PAXBP1: variants seen among roughly 807,000 people sequenced by gnomAD.
The protein encoded by PAXBP1 is PAX3 and PAX7 binding protein 1, also known as PAX3- and PAX7-binding protein 1.
A neutral mutation model predicts 119.9 loss-of-function variants in PAXBP1; 44 were observed. The ratio of observed to expected loss-of-function variants is 0.37; its 90% CI spans 0.29 to 0.47. The LOEUF is 0.47. Ranked by LOEUF, PAXBP1 falls within the 20% of genes least tolerant of loss-of-function variation. The pLI is 0.99. For synonymous variants in PAXBP1, 393 were observed against 406.6 expected, an observed-to-expected ratio of 0.97 and a Z score of 0.40; for missense variants, 898 against 1,134.1, an observed-to-expected ratio of 0.79 and a Z score of 2.99.
rs2043849631 is a variant in PAXBP1, at chr21:32,744,885, A to G, written c.2097T>C (p.Phe699=). The change falls in exon 13 of 18, where the codon TTT becomes TTC. Residue 699 remains phenylalanine, a synonymous_variant. Transcript: ENST00000331923. The part of the protein sequence containing the change: ...TVIAENMWDP[F]STTQTSRMVG... ...CCATTCTTGAAGTCTGTGTTGTAGA[A>G]AAAGGGTCCCACATATTTTCAGCTA... The G allele has an allele frequency of 1.2e-6, 2 of 1,604,174 alleles. No individual in the cohort carries two copies. Among genetic ancestry groups the G allele is most frequent in the Non-Finnish European group, 8.5e-7 (1 of 1,176,844 alleles).
chr21:32,759,481 CTG>C, intron 6 of PAXBP1: 1 of 629,932 alleles, frequency 1.6e-6, no homozygotes, highest in Admixed American at 3.3e-5. Flanking sequence ...CAAAATCTCA[CTG>C]TTTTGCTTTT....
chr21:32,756,451 T>C (rs1245211169), intron 7 of PAXBP1: 3 of 486,646 alleles, frequency 6.2e-6, no homozygotes, highest in African/African-American at 4.2e-5. Context: ...CATGATTCCA[T>C]TGCAAAAGTA....
intron 17 of PAXBP1, 87 bp from the exon 18 acceptor site, chr21:32,735,154 C>A: frequency 1.2e-6 from 1 of 843,334 alleles, no homozygotes; most frequent in Non-Finnish European, 1.9e-6. Flanking sequence ...TTTAGAGCTT[C>A]TGCAATCAAT....
chr21:32,747,931 C>T (rs2146483416), intron 11 of PAXBP1, among the ~76,000 whole-genome samples: 1 of 151,740 alleles, frequency 6.6e-6, no homozygotes, highest in South Asian at 2.1e-4. Flanking sequence ...AATATGAGCA[C>T]ATGCCACCAC....
intron 2 of PAXBP1, among the ~76,000 whole-genome samples, chr21:32,768,414 C>T (rs191855137): frequency 3.3e-5 from 5 of 152,300 alleles, no homozygotes; most frequent in Admixed American, 6.5e-5. Context: ...TTGACTCTTT[C>T]TTTTAAATCC....
intron 8 of PAXBP1, among the ~76,000 whole-genome samples, chr21:32,754,297 G>A (rs1042153847): frequency 5.3e-5 from 8 of 152,186 alleles, no homozygotes; most frequent in African/African-American, 1.9e-4. Context: ...TCTGGATGCT[G>A]AAGACCTAGT....
intron 2 of PAXBP1, among the ~76,000 whole-genome samples, chr21:32,768,435 A>G (rs1028939330): frequency 2.0e-5 from 3 of 152,240 alleles, no homozygotes; most frequent in Non-Finnish European, 4.4e-5. Context: ...AATATGGCAA[A>G]GTGTATATTA....
rs752313065 is a variant in PAXBP1, at chr21:32,762,235, A to C, written c.732T>G (p.His244Gln). The change falls in exon 4 of 18, where the codon CAT becomes CAG. Residue 244 changes from histidine to glutamine, a missense_variant. This residue lies in a region of PAXBP1 where 599 missense variants were observed against 852.7 expected (regional missense o/e 0.70). Coordinates refer to ENST00000331923, the MANE Select transcript of PAXBP1 (RefSeq NM_016631.4). Reference sequence around the variant, plus strand: ...GGCGGCCTTTACCAGGCTCATTATCATGAGGAGTGAAATCTCCCAATTCTC... The same window carrying C: ...GGCGGCCTTTACCAGGCTCATTATCCTGAGGAGTGAAATCTCCCAATTCTC... ...MARELGDFTP[H>Q]DNEPGKGRLV... is the part of the protein sequence containing the mutation. 6.2e-7 allele frequency: 1 copy of C among 1,614,080 alleles called. No homozygotes were observed. The highest frequency in any genetic ancestry group is 8.5e-7 in the Non-Finnish European group (1 of 1,180,022).
At chr21:32,761,246 C>T (rs2044140578) in intron 4 of PAXBP1, 84 bp from the exon 5 acceptor site, 2 of 956,618 alleles carry the variant, frequency 2.1e-6, no homozygotes, top group African/African-American at 3.3e-5. Context: ...TTCACAAGAA[C>T]TGAGCAAAAC....
rs766516346 is a variant in PAXBP1, at chr21:32,771,364, G to A, written c.305C>T (p.Pro102Leu). 1.9e-6 allele frequency: 3 copies of A among 1,584,936 alleles called. No homozygotes were observed. The highest frequency in any genetic ancestry group is 1.7e-5 in the Admixed American group (1 of 59,244). The stretch of plus-strand genomic sequence containing the variant: ...CTGGAAGCTGAGCAGGCTGGCCCGG[G>A]GCACCTCTTTGTTCTCGCGAGGCCT... Reference protein sequence around the residue: ...RKRPRENKEVPRASLLSFQDE... With the variant: ...RKRPRENKEVLRASLLSFQDE... Residue 102 changes from proline (P) to leucine (L), a missense_variant, in exon 1 of 18, where the codon CCC (proline) becomes CTC (leucine). By Grantham distance (98) the Pro-to-Leu change is moderately conservative. This residue lies in a region of PAXBP1 where 299 missense variants were observed against 281.4 expected (regional missense o/e 1.06). Transcript: ENST00000331923.
In PAXBP1 at chr21:32,769,832, G is replaced by A; in HGVS notation, c.454C>T (p.Leu152Phe). 1 of 1,601,328 alleles carries A rather than the reference G, an allele frequency of 6.2e-7. No individual in the cohort carries two copies. Residue 152 changes from leucine (L) to phenylalanine (F), a missense_variant, in exon 2 of 18, where the codon CTC (leucine) becomes TTC (phenylalanine). By Grantham distance (22) the Leu-to-Phe change is conservative (BLOSUM62 0). This residue lies in a region of PAXBP1 where 299 missense variants were observed against 281.4 expected (regional missense o/e 1.06). Transcript: ENST00000331923. Reference sequence around the variant, plus strand: ...TACTTACTTTCAGCTGATGAGTTGAGTTCTGTCTTAATCTTCGATTTTTCA... The same window carrying A: ...TACTTACTTTCAGCTGATGAGTTGAATTCTGTCTTAATCTTCGATTTTTCA... ...DLEKSKIKTE[L>F]NSSAESEQPL...
chr21:32,744,771 C>T, intron 13 of PAXBP1, 21 bp downstream of exon 13: 1 of 1,533,542 alleles, frequency 6.5e-7, no homozygotes, highest in Non-Finnish European at 8.7e-7. Flanking sequence ...AAAAAAAAGG[C>T]TTCAAAAGAT....
At position 32,771,452 on chromosome 21, in the gene PAXBP1, C is replaced by A; in HGVS notation, c.217G>T (p.Ala73Ser). 1 of 1,449,180 alleles carries A rather than the reference C, an allele frequency of 6.9e-7. No individual in the cohort carries two copies. The highest frequency in any genetic ancestry group is 1.4e-5 in the South Asian group (1 of 73,912). 89.8% of individuals were successfully genotyped at this position (1,449,180 alleles called of 1,614,324 possible). The change falls in exon 1 of 18, where the codon GCT becomes TCT. Residue 73 changes from alanine (A) to serine (S), a missense_variant. Physicochemically the swap from Ala to Ser is moderately conservative, Grantham distance 99. Around this residue, in one of 2 missense-constraint regions of PAXBP1, gnomAD observed 299 missense variants for 281.4 expected, o/e 1.06. Transcript: ENST00000331923. The part of the protein sequence containing the change: ...PPSALTPGLG[A>S]EAGGGFPGGA... Reference sequence around the variant, plus strand: ...CCGGGGAAGCCGCCCCCGGCCTCAGCCCCGAGGCCCGGGGTCAGCGCGGAA... The same window carrying A: ...CCGGGGAAGCCGCCCCCGGCCTCAGACCCGAGGCCCGGGGTCAGCGCGGAA...
chr21:32,737,237 A>G lies in PAXBP1; in HGVS notation c.2636+17T>C. ...CTAAACAACTCTAGATTACCATTTC[A>G]TTAATTACAAAATTACCTTGCATTT... is the stretch of plus-strand genomic sequence containing the variant. On this transcript the variant is annotated intron_variant, in intron 17 of 17. Coordinates refer to ENST00000331923, the MANE Select transcript of PAXBP1 (RefSeq NM_016631.4). 2 of 1,500,588 alleles carry G rather than the reference A, an allele frequency of 1.3e-6. No homozygotes were observed. The highest frequency in any genetic ancestry group is 1.8e-6 in the Non-Finnish European group (2 of 1,118,112). 93.0% of individuals were successfully genotyped at this position (1,500,588 alleles called of 1,614,324 possible).
At chr21:32,755,403 T>C in intron 7 of PAXBP1, 50 bp from the exon 8 acceptor site, 1 of 1,590,742 alleles carries the variant, frequency 6.3e-7, no homozygotes, top group Non-Finnish European at 8.5e-7. Context: ...AGCTGCTTAT[T>C]TATTTGAGGG....
intron 7 of PAXBP1, among the ~76,000 whole-genome samples, chr21:32,757,588 A>G (rs944552796): frequency 6.6e-6 from 1 of 152,216 alleles, no homozygotes; most frequent in Non-Finnish European, 1.5e-5. Flanking sequence ...AGGTTGTCCT[A>G]CTTTTGGTAT....
At chr21:32,766,256 T>C (rs2044239701) in intron 2 of PAXBP1, among the ~76,000 whole-genome samples, 1 of 152,186 alleles carries the variant, frequency 6.6e-6, no homozygotes, top group Admixed American at 6.5e-5. Flanking sequence ...AATTTTAGGA[T>C]TCAATGTTTC....
At chr21:32,738,033 G>T in intron 16 of PAXBP1, 140 bp downstream of exon 16, 1 of 765,788 alleles carries the variant, frequency 1.3e-6, no homozygotes, top group Non-Finnish European at 1.9e-6. Context: ...AACTACCTGG[G>T]TAGGCAAACT....
At chr21:32,753,425 C>CAAAAAAAAAAAAAAAAAAAAAAAAAA in intron 8 of PAXBP1, among the ~76,000 whole-genome samples, 1 of 91,000 alleles carries the variant, frequency 1.1e-5, no homozygotes, top group Non-Finnish European at 2.3e-5. Flanking sequence ...GACTCCGTCT[C>CAAAAAAAAAAAAAAAAAAAAAAAAAA]AAAAAAAAAA....
Sources: gnomAD v4.1 joint callset for allele counts (sites outside exome capture counted in the v4.1 genomes callset) on GRCh38, gnomAD v4.1.1 for gene constraint, gnomAD v4.1.1 regional missense constraint, MANE v1.5 for transcripts, NCBI Gene and HGNC (gene_info 2026-07-23, HGNC 2026-07-21) for gene names.